BMPER: variants seen among roughly 807,000 people sequenced by gnomAD.
BMPER encodes BMP binding endothelial regulator.
BMPER carries 45 observed loss-of-function variants against 87.3 expected under a neutral mutation model. The observed-to-expected ratio is 0.52, with a 90% CI of 0.41 to 0.66. The LOEUF (loss-of-function observed/expected upper bound fraction) is 0.66. Among genes scored for constraint, BMPER ranks in the 30% least tolerant of loss-of-function variants. BMPER has a pLI of 0.00. For missense variants in BMPER, 784 were observed against 867.5 expected, an observed-to-expected ratio of 0.90 and a Z score of 1.21; for synonymous variants, 326 against 316.2, an observed-to-expected ratio of 1.03 and a Z score of -0.33.
intron 13 of BMPER, among the ~76,000 whole-genome samples, chr7:34,098,986 G>T (rs1448737072): frequency 6.6e-6 from 1 of 151,952 alleles, no homozygotes; most frequent in Non-Finnish European, 1.5e-5. Flanking sequence ...ATGTTAGCTG[G>T]CATTGATTGA....
intron 10 of BMPER, 102 bp downstream of exon 10, chr7:34,058,265 C>T: frequency 9.0e-7 from 1 of 1,110,084 alleles, no homozygotes; most frequent in Non-Finnish European, 1.3e-6. Flanking sequence ...CCAGCTCCCC[C>T]AAAGCCTCTA....
intron 2 of BMPER, among the ~76,000 whole-genome samples, chr7:33,915,003 A>G (rs1022255719): frequency 6.6e-6 from 1 of 152,190 alleles, no homozygotes; most frequent in African/African-American, 2.4e-5. Context: ...CATGGGATTG[A>G]ATTGATCATA....
chr7:33,974,544 G>GT (rs1181135287), intron 5 of BMPER, among the ~76,000 whole-genome samples, 158 bp from the exon 6 acceptor site: 1 of 152,070 alleles, frequency 6.6e-6, no homozygotes, highest in African/African-American at 2.4e-5. Flanking sequence ...GTTTGCCTCT[G>GT]TTTTTTTCTT....
chr7:34,134,455 G>A (rs891390642), intron 13 of BMPER, among the ~76,000 whole-genome samples: 1 of 152,134 alleles, frequency 6.6e-6, no homozygotes, highest in Admixed American at 6.5e-5. Flanking sequence ...GGCTCTGCTA[G>A]GATGGGGCCC....
chr7:34,142,355 C>A (rs1790897051), intron 13 of BMPER, among the ~76,000 whole-genome samples: 2 of 152,162 alleles, frequency 1.3e-5, no homozygotes, highest in African/African-American at 2.4e-5. Context: ...ATTTATGGAA[C>A]AAGAAACTGT....
intron 10 of BMPER, among the ~76,000 whole-genome samples, chr7:34,059,154 T>C (rs573097849): frequency 5.9e-5 from 9 of 152,304 alleles, no homozygotes; most frequent in Admixed American, 4.6e-4. Flanking sequence ...TAAATATTCA[T>C]TGGGAAAAAT....
chr7:34,153,837 T>C lies in BMPER; in HGVS notation c.*564T>C, dbSNP rs181365229. ...AAAAGCGAGTGATAGGCTGTTAGAATGTATTAGGTCATGGGCTAACATTAT... is the reference window on the plus strand; with the variant it reads ...AAAAGCGAGTGATAGGCTGTTAGAACGTATTAGGTCATGGGCTAACATTAT... On this transcript the variant is annotated 3_prime_UTR_variant, in exon 15 of 15. Transcript: ENST00000649409. 369 of 159,448 alleles carry C rather than the reference T, an allele frequency of 2.3e-3. No homozygotes were observed. Among genetic ancestry groups the C allele is most frequent in the Non-Finnish European group, 3.6e-3 (260 of 71,680 alleles). The allele number at this position is 159,448 out of a possible 1,614,324, so 9.9% of individuals were successfully genotyped here.
At chr7:34,064,288 CA>C (rs5883444) in intron 11 of BMPER, among the ~76,000 whole-genome samples, 15 of 146,338 alleles carry the variant, frequency 1.0e-4, no homozygotes, top group Non-Finnish European at 1.2e-4. Context: ...AAGACTCTGT[CA>C]AAAAAAAAAA....
At chr7:34,094,793 G>A (rs1446888998) in intron 13 of BMPER, among the ~76,000 whole-genome samples, 5 of 152,292 alleles carry the variant, frequency 3.3e-5, no homozygotes, top group Admixed American at 6.5e-5. Flanking sequence ...GATAAGGCAC[G>A]TATCCAGGCC....
At chr7:34,118,223 T>G (rs1562755214) in intron 13 of BMPER, among the ~76,000 whole-genome samples, 1 of 152,138 alleles carries the variant, frequency 6.6e-6, no homozygotes, top group Non-Finnish European at 1.5e-5. Context: ...GAGAATCGCT[T>G]GAACCCGGGA....
chr7:33,929,324 T>C (rs1280392650), intron 2 of BMPER, among the ~76,000 whole-genome samples: 1 of 152,172 alleles, frequency 6.6e-6, no homozygotes, highest in Non-Finnish European at 1.5e-5. Flanking sequence ...GAGAGTACAC[T>C]CTTCTGCTCA....
chr7:34,082,331 T>TTTG (rs1554315619), intron 12 of BMPER, among the ~76,000 whole-genome samples: 2 of 149,898 alleles, frequency 1.3e-5, no homozygotes, highest in Non-Finnish European at 3.0e-5. Flanking sequence ...CTTATTAGTT[T>TTTG]TTTTTTTTTT....
At chr7:33,927,286 A>G (rs1191924874) in intron 2 of BMPER, among the ~76,000 whole-genome samples, 4 of 152,190 alleles carry the variant, frequency 2.6e-5, no homozygotes, top group African/African-American at 9.6e-5. Context: ...ACCCACAGGA[A>G]TGAGAGACAC....
intron 13 of BMPER, among the ~76,000 whole-genome samples, chr7:34,105,564 G>A (rs1158420531): frequency 1.3e-5 from 2 of 152,206 alleles, no homozygotes; most frequent in Non-Finnish European, 2.9e-5. Context: ...CACAAGTCTT[G>A]TTATTTTCCA....
At chr7:34,023,517 T>A (rs1331786104) in intron 6 of BMPER, among the ~76,000 whole-genome samples, 2 of 152,054 alleles carry the variant, frequency 1.3e-5, no homozygotes. Context: ...TCTCTGTCTC[T>A]CTCCATGTTT....
intron 9 of BMPER, among the ~76,000 whole-genome samples, chr7:34,056,805 A>T (rs1026961034): frequency 6.6e-6 from 1 of 151,880 alleles, no homozygotes; most frequent in Admixed American, 6.6e-5. Flanking sequence ...TTTAGTAGAG[A>T]TGGGATATTG....
chr7:34,129,607 A>T (rs1562762002), intron 13 of BMPER, among the ~76,000 whole-genome samples: 1 of 112,384 alleles, frequency 8.9e-6, no homozygotes, highest in Non-Finnish European at 1.9e-5. Context: ...AGAGAGAGAG[A>T]GAAAGAGAGA....
intron 13 of BMPER, among the ~76,000 whole-genome samples, chr7:34,120,928 A>G (rs558709653): frequency 6.6e-6 from 1 of 152,174 alleles, no homozygotes; most frequent in East Asian, 1.9e-4. Context: ...AAGGAATATC[A>G]CGTATAATTC....
chr7:33,918,101 A>G (rs926133712), intron 2 of BMPER, among the ~76,000 whole-genome samples: 9 of 152,064 alleles, frequency 5.9e-5, no homozygotes, highest in Admixed American at 5.2e-4. Flanking sequence ...TTGGCCTCCC[A>G]AAGTGCTGGG....
Sources: gnomAD v4.1 joint callset for allele counts (sites outside exome capture counted in the v4.1 genomes callset) on GRCh38, gnomAD v4.1.1 for gene constraint, MANE v1.5 for transcripts, NCBI Gene and HGNC (gene_info 2026-07-23, HGNC 2026-07-21) for gene names.